PSD3: variants seen among roughly 807,000 people sequenced by gnomAD.
The protein encoded by PSD3 is pleckstrin and Sec7 domain containing 3, also known as PH and SEC7 domain-containing protein 3.
PSD3 carries 49 observed loss-of-function variants against 105.5 expected under a neutral mutation model. The ratio of observed to expected loss-of-function variants is 0.46; its 90% confidence interval spans 0.37 to 0.59. The LOEUF (loss-of-function observed/expected upper bound fraction) is 0.59, where lower values mean the gene tolerates loss of function less well. Among genes scored for constraint, PSD3 ranks in the 20% least tolerant of loss-of-function variants. The probability of loss-of-function intolerance (pLI) is 0.00; values close to 1 mark genes in which losing one functional copy is unlikely to be tolerated. For synonymous variants in PSD3, 557 were observed against 457.8 expected, an observed-to-expected ratio of 1.22 and a Z score of -2.77; for missense variants, 1,561 against 1,263.8, an observed-to-expected ratio of 1.24 and a Z score of -3.57.
At chr8:19,017,050 CTTTTT>C (rs60211350), upstream of PSD3, among the ~76,000 whole-genome samples, 4 of 115,588 alleles carry the variant, frequency 3.5e-5, no homozygotes, top group Non-Finnish European at 7.1e-5. Context: ...TGGCTACATA[CTTTTT>C]TTTTTTTTTT....
At chr8:18,807,777 C>T (rs931946299) in intron 4 of PSD3, among the ~76,000 whole-genome samples, 9 of 152,104 alleles carry the variant, frequency 5.9e-5, no homozygotes, top group African/African-American at 1.7e-4. Context: ...TTTTTAAATG[C>T]ATGATTTTTT....
chr8:18,731,824 A>G (rs1803771906), intron 9 of PSD3, among the ~76,000 whole-genome samples: 1 of 151,832 alleles, frequency 6.6e-6, no homozygotes, highest in Admixed American at 6.6e-5. Context: ...CACATTGCAA[A>G]CTCTCCTTGG....
chr8:18,649,019 G>A (rs191032127), intron 10 of PSD3, among the ~76,000 whole-genome samples: 3 of 152,378 alleles, frequency 2.0e-5, no homozygotes, highest in Admixed American at 2.0e-4. Context: ...TGCGGCAGGG[G>A]TGGAACCCTC....
At chr8:19,009,472 C>T (rs1324495924) in intron 1 of PSD3, among the ~76,000 whole-genome samples, 3 of 152,152 alleles carry the variant, frequency 2.0e-5, no homozygotes, top group African/African-American at 4.8e-5. Context: ...AATGACACTA[C>T]TGACCTCATG....
At chr8:18,809,834 C>T (rs909000358) in intron 4 of PSD3, among the ~76,000 whole-genome samples, 1 of 151,564 alleles carries the variant, frequency 6.6e-6, no homozygotes, top group African/African-American at 2.4e-5. Flanking sequence ...ACTGATTCTT[C>T]TCTAACGTCC....
chr8:19,002,391 C>T (rs1029260580), intron 1 of PSD3, among the ~76,000 whole-genome samples: 1 of 151,878 alleles, frequency 6.6e-6, no homozygotes, highest in Non-Finnish European at 1.5e-5. Flanking sequence ...CTTACCGTTC[C>T]TATTATCGCA....
chr8:18,620,615 A>C (rs12156122), intron 11 of PSD3, among the ~76,000 whole-genome samples: 2 of 151,908 alleles, frequency 1.3e-5, no homozygotes, highest in African/African-American at 4.8e-5. Context: ...AGGCTGAGGT[A>C]GGGGGGACTG....
At chr8:18,977,957 G>A (rs1204363489) in intron 1 of PSD3, among the ~76,000 whole-genome samples, 1 of 152,162 alleles carries the variant, frequency 6.6e-6, no homozygotes, top group East Asian at 1.9e-4. Flanking sequence ...ATGGACTTTT[G>A]AGCAAAAACA....
intron 10 of PSD3, among the ~76,000 whole-genome samples, chr8:18,638,712 T>A (rs1178011342): frequency 6.6e-6 from 1 of 152,186 alleles, no homozygotes; most frequent in African/African-American, 2.4e-5. Flanking sequence ...CAAATTCCAA[T>A]GTCATTTTTT....
In PSD3 at chr8:18,850,364, A is replaced by C. The variant is rs372017296; in HGVS notation, c.1634+17310T>G. Reference sequence around the variant, plus strand: ...CTTTCAGGTACTCACAGCTCCTATAACAATGGATCTGAGACCCAGAAGCCC... The same window carrying C: ...CTTTCAGGTACTCACAGCTCCTATACCAATGGATCTGAGACCCAGAAGCCC... On this transcript the variant is annotated intron_variant, in intron 4 of 15. Transcript: ENST00000327040. Among the ~76,000 whole-genome samples the C allele has an allele frequency of 1.1e-3, 165 of 152,324 alleles. 2 individuals carry two copies. Among genetic ancestry groups the C allele is most frequent in the African/African-American group, 3.7e-3 (155 of 41,582 alleles).
At chr8:18,757,261 T>C (rs1312217710) in intron 9 of PSD3, among the ~76,000 whole-genome samples, 2 of 151,082 alleles carry the variant, frequency 1.3e-5, no homozygotes, top group Non-Finnish European at 1.5e-5. Context: ...AAGACCAGCC[T>C]TGCCAACATG....
chr8:18,752,922 C>T (rs958359504), intron 9 of PSD3, among the ~76,000 whole-genome samples: 2 of 151,446 alleles, frequency 1.3e-5, no homozygotes, highest in African/African-American at 2.4e-5. Context: ...AATAGGTAAC[C>T]TCATCGTGAC....
At chr8:18,923,100 G>T (rs1430861743) in intron 2 of PSD3, among the ~76,000 whole-genome samples, 2 of 152,152 alleles carry the variant, frequency 1.3e-5, no homozygotes, top group East Asian at 3.9e-4. Context: ...TAATCCAGGG[G>T]TGTCCAATCT....
chr8:18,732,201 AAGCAAGAAAT>A (rs1357617519), intron 9 of PSD3, among the ~76,000 whole-genome samples: 1 of 152,120 alleles, frequency 6.6e-6, no homozygotes, highest in Non-Finnish European at 1.5e-5. Context: ...ACTAACTACA[AAGCAAGAAAT>A]AGCGACTGAA....
intron 2 of PSD3, among the ~76,000 whole-genome samples, chr8:18,907,245 G>A (rs371776772): frequency 3.3e-5 from 5 of 152,136 alleles, no homozygotes; most frequent in East Asian, 1.9e-4. Flanking sequence ...TTCACTCACC[G>A]ATTCACTCAG....
At chr8:18,583,723 C>A (rs997619192) in intron 12 of PSD3, among the ~76,000 whole-genome samples, 11 of 152,156 alleles carry the variant, frequency 7.2e-5, no homozygotes, top group African/African-American at 2.7e-4. Flanking sequence ...AGGTTAAGTG[C>A]CCTTCCATAT....
chr8:18,544,535 C>T (rs962339940), intron 15 of PSD3, among the ~76,000 whole-genome samples: 6 of 151,490 alleles, frequency 4.0e-5, no homozygotes, highest in Non-Finnish European at 8.8e-5. Flanking sequence ...TTATATAGTT[C>T]GTGTTCGTGG....
Position 18,543,243 on chromosome 8 carries a change from T to C in PSD3, c.2929-7285A>G, listed in dbSNP as rs114822796. ...TGTCTACTCAAGTAAAATTCTTTCT[T>C]CAGTGTGTAACCCCTCCTTATTACA... On this transcript the variant is annotated intron_variant, in intron 15 of 15. Coordinates refer to ENST00000327040, the MANE Select transcript of PSD3 (RefSeq NM_015310.4). 1.7e-3 allele frequency among the ~76,000 whole-genome samples: 266 copies of C among 152,214 alleles called. 1 individual carries two copies. The highest frequency in any genetic ancestry group is 6.2e-3 in the African/African-American group (256 of 41,546).
chr8:18,559,511 CTCTT>C (rs1184851428), intron 14 of PSD3, among the ~76,000 whole-genome samples: 2 of 152,114 alleles, frequency 1.3e-5, no homozygotes, highest in Admixed American at 6.5e-5. Context: ...AGAAATCAAA[CTCTT>C]TCTATTTGTG....
Sources: gnomAD v4.1 joint callset for allele counts (sites outside exome capture counted in the v4.1 genomes callset) on GRCh38, gnomAD v4.1.1 for gene constraint, MANE v1.5 for transcripts, NCBI Gene and HGNC (gene_info 2026-07-23, HGNC 2026-07-21) for gene names.